Variants in NDUFA5 observed in about 807,000 individuals in gnomAD.
NDUFA5 encodes the protein NADH dehydrogenase [ubiquinone] 1 alpha subcomplex subunit 5.
Under a neutral mutation model 19.8 loss-of-function variants are expected in NDUFA5, and 11 were observed. That is an observed-to-expected ratio of 0.56 (90% confidence interval 0.35 to 0.92). NDUFA5 has a LOEUF of 0.92. NDUFA5 is among the 40% of genes least tolerant of loss of function. The probability of loss-of-function intolerance (pLI) is 0.01; values close to 1 mark genes in which losing one functional copy is unlikely to be tolerated. For synonymous variants in NDUFA5, 47 were observed against 46.8 expected, an observed-to-expected ratio of 1.00 and a Z score of -0.01; for missense variants, 109 against 134.2, an observed-to-expected ratio of 0.81 and a Z score of 0.93.
chr7:123,557,023 AG>A (rs1324265802), intron 2 of NDUFA5: 4 of 483,656 alleles, frequency 8.3e-6, no homozygotes, highest in African/African-American at 3.9e-5. Flanking sequence ...CAGAAGGAAA[AG>A]GGGGCAGTAC....
the NDUFA5 span, among the ~76,000 whole-genome samples, chr7:123,572,379 T>C: frequency 6.6e-6 from 1 of 151,778 alleles, no homozygotes; most frequent in East Asian, 1.9e-4. Flanking sequence ...GACCTCATGA[T>C]CCGCCCGCCT....
At chr7:123,557,932 G>C, upstream of NDUFA5, 1 of 1,456,972 alleles carries the variant, frequency 6.9e-7, no homozygotes, top group South Asian at 1.2e-5. Flanking sequence ...AAGGAGCAAA[G>C]ACTCTGCCCC....
At chr7:123,586,730 G>C in the NDUFA5 span, among the ~76,000 whole-genome samples, 1 of 151,548 alleles carries the variant, frequency 6.6e-6, no homozygotes, top group East Asian at 1.9e-4. Context: ...GTTAATTTTT[G>C]TATATGGTGT....
At chr7:123,579,159 T>G in the NDUFA5 span, among the ~76,000 whole-genome samples, 34,977 of 152,006 alleles carry the variant, frequency 0.23, 4,164 homozygotes, top group East Asian at 0.41. Context: ...GTACTTGATT[T>G]TATGTTTCTG....
chr7:123,580,676 G>A, the NDUFA5 span, among the ~76,000 whole-genome samples: 1 of 152,052 alleles, frequency 6.6e-6, no homozygotes, highest in Non-Finnish European at 1.5e-5. Flanking sequence ...GGGCACCCAT[G>A]TGGGTGAGTG....
At chr7:123,556,588 GAAAAAGTGTCAAATGTGTCAAA>G in intron 2 of NDUFA5, 1 of 236,638 alleles carries the variant, frequency 4.2e-6, no homozygotes, top group South Asian at 5.3e-5. Context: ...GCGCATGATG[GAAAAAGTGTCAAATGTGTCAAA>G]AAAAAAAAAA....
chr7:123,560,704 G>C (rs528546711), upstream of NDUFA5, among the ~76,000 whole-genome samples: 2 of 152,198 alleles, frequency 1.3e-5, no homozygotes, highest in South Asian at 4.1e-4. Context: ...TGTGTGCTTG[G>C]GGTTGGGTCA....
chr7:123,588,469 C>A, the NDUFA5 span, among the ~76,000 whole-genome samples: 1 of 151,384 alleles, frequency 6.6e-6, no homozygotes. Context: ...AACTTTTGAT[C>A]TTTTCTCTTG....
At position 123,541,712 on chromosome 7, in the gene NDUFA5, T is replaced by A. The variant is rs1403777348; in HGVS notation, c.*407A>T. On this transcript the variant is annotated 3_prime_UTR_variant, in exon 5 of 5. Transcript: ENST00000355749. Reference sequence around the variant, plus strand: ...CACTCGTATTATTTACTTCAAACAGTAATCTATAAATTTGTTTAGACTATA... The same window carrying A: ...CACTCGTATTATTTACTTCAAACAGAAATCTATAAATTTGTTTAGACTATA... The A allele has an allele frequency of 6.6e-6, 1 of 152,632 alleles. No homozygotes were observed. The highest frequency in any genetic ancestry group is 1.5e-5 in the Non-Finnish European group (1 of 68,158). The allele number at this position is 152,632 out of a possible 1,614,324, so 9.5% of individuals were successfully genotyped here.
At chr7:123,593,106 T>TA in the NDUFA5 span, among the ~76,000 whole-genome samples, 2 of 152,160 alleles carry the variant, frequency 1.3e-5, no homozygotes, top group Non-Finnish European at 2.9e-5. Context: ...TGCTTTTTTT[T>TA]TACTTTCCAT....
At chr7:123,585,635 T>TTGTGTG in the NDUFA5 span, among the ~76,000 whole-genome samples, 8 of 147,516 alleles carry the variant, frequency 5.4e-5, no homozygotes, top group East Asian at 2.0e-4. Flanking sequence ...TAGTTACTAT[T>TTGTGTG]TGTGTGTGTG....
chr7:123,556,607 C>CA (rs139768796), intron 2 of NDUFA5: 55,843 of 191,666 alleles, frequency 0.29, 6,973 homozygotes, highest in Middle Eastern at 0.37. Context: ...TCAAATGTGT[C>CA]AAAAAAAAAA....
At chr7:123,564,151 A>G in the NDUFA5 span, among the ~76,000 whole-genome samples, 1 of 152,228 alleles carries the variant, frequency 6.6e-6, no homozygotes, top group South Asian at 2.1e-4. Flanking sequence ...TAAAACAACA[A>G]CAAGAAAAGA....
the NDUFA5 span, among the ~76,000 whole-genome samples, chr7:123,601,304 T>G: frequency 6.6e-6 from 1 of 152,202 alleles, no homozygotes; most frequent in South Asian, 2.1e-4. Context: ...CTCAATAACT[T>G]GACCTAAAAA....
chr7:123,588,860 CA>C, the NDUFA5 span, among the ~76,000 whole-genome samples: 2 of 151,620 alleles, frequency 1.3e-5, no homozygotes, highest in African/African-American at 4.8e-5. Flanking sequence ...TTAATCTTCA[CA>C]TATTTTTTAA....
chr7:123,565,879 C>T, the NDUFA5 span, among the ~76,000 whole-genome samples: 1 of 152,040 alleles, frequency 6.6e-6, no homozygotes, highest in Non-Finnish European at 1.5e-5. Context: ...ATTAGCCAGG[C>T]GTGGTGGCAC....
the NDUFA5 span, among the ~76,000 whole-genome samples, chr7:123,592,557 A>C: frequency 1.3e-5 from 2 of 152,218 alleles, no homozygotes. Context: ...GTAGTCACTC[A>C]GGAGCAGGTT....
the NDUFA5 span, among the ~76,000 whole-genome samples, chr7:123,581,141 G>A: frequency 6.6e-6 from 1 of 151,770 alleles, no homozygotes. Flanking sequence ...TCAGCTCTTT[G>A]CGGAGGAGGA....
chr7:123,557,005 A>G (rs761001343), intron 2 of NDUFA5: 6 of 468,334 alleles, frequency 1.3e-5, no homozygotes, highest in African/African-American at 2.0e-5. Flanking sequence ...CAGATGGAAA[A>G]GACCTAACAG....
Sources: allele counts gnomAD v4.1 joint callset (sites outside exome capture counted in the v4.1 genomes callset), GRCh38; gene constraint gnomAD v4.1.1; transcripts MANE v1.5; gene names NCBI Gene and HGNC (gene_info 2026-07-23, HGNC 2026-07-21).